The following SPIRE2 variants were observed in gnomAD, a reference collection of about 807,000 sequenced individuals.
SPIRE2 encodes protein spire homolog 2.
In SPIRE2, 76 loss-of-function variants were observed where a neutral mutation model predicts 80.7. The ratio of observed to expected loss-of-function variants is 0.94; its 90% CI spans 0.78 to 1.14. The LOEUF (loss-of-function observed/expected upper bound fraction) is 1.14. SPIRE2 is among the 50% of genes most tolerant of loss of function. The pLI, the probability that SPIRE2 is intolerant of heterozygous loss-of-function variation, is 0.00. For synonymous variants in SPIRE2, 535 were observed against 432.6 expected (o/e 1.24, Z -2.94); for missense variants, 1,196 against 1,015.3 (o/e 1.18, Z -2.42).
rs757360310 is a variant in SPIRE2, at chr16:89,850,824, G to GTTT, written c.645+166_645+167insTTT. Among the ~76,000 whole-genome samples, 39 of 151,656 alleles carry GTTT rather than the reference G, an allele frequency of 2.6e-4. No homozygotes were observed. In the East Asian group the frequency reaches 4.9e-3, roughly 19 times the overall value. ...TCCCACTTAATCCTCACGCTTTCTT[G>GTTT]TTGTTTTTTTGTTGTTGTTGTTGTT... On this transcript the variant is annotated intron_variant, in intron 3 of 14. Coordinates refer to ENST00000378247, the MANE Select transcript of SPIRE2 (RefSeq NM_032451.2).
intron 1 of SPIRE2, among the ~76,000 whole-genome samples, chr16:89,842,436 C>A (rs2041515020): frequency 1.3e-5 from 2 of 152,084 alleles, no homozygotes; most frequent in South Asian, 4.1e-4. Context: ...TGGTCTTGAA[C>A]TCCTGACCTC....
intron 1 of SPIRE2, among the ~76,000 whole-genome samples, chr16:89,829,185 A>G (rs1193603515): frequency 6.6e-6 from 1 of 152,236 alleles, no homozygotes; most frequent in Non-Finnish European, 1.5e-5. Context: ...GAAAGGAGAC[A>G]GAAGCGTCCC....
intron 1 of SPIRE2, among the ~76,000 whole-genome samples, chr16:89,829,547 T>C (rs892397951): frequency 6.6e-6 from 1 of 152,284 alleles, no homozygotes; most frequent in East Asian, 1.9e-4. Flanking sequence ...TGCCGCACTC[T>C]CTCCAGGCCT....
rs67559135 is a variant in SPIRE2 at position 89,869,072 on chromosome 16, A to ATATATATATATATATATG, written c.1807-492_1807-491insATATATATATATATGTAT. Among the ~76,000 whole-genome samples the ATATATATATATATATATG allele has an allele frequency of 7.1e-3, 469 of 65,766 alleles. 27 individuals are homozygous for ATATATATATATATATATG. Among genetic ancestry groups the ATATATATATATATATATG allele is most frequent in the African/African-American group, 0.011 (162 of 15,354 alleles). The allele number at this position is 65,766 out of a possible 152,430, so 43.1% of individuals were successfully genotyped here. On this transcript the variant is annotated intron_variant, in intron 13 of 14. Transcript: ENST00000378247. ...AAAAAAAATATATATATATATATATATATGTTACCCCTCAGGCCTCAGTTC... is the reference window on the plus strand; with the variant it reads ...AAAAAAAATATATATATATATATATATATATATATATATATATGTATGTTACCCCTCAGGCCTCAGTTC...
intron 2 of SPIRE2, chr16:89,845,796 T>C (rs1184275904): frequency 1.7e-6 from 1 of 587,600 alleles, no homozygotes; most frequent in Non-Finnish European, 3.0e-6. Flanking sequence ...GGCCTTCCTC[T>C]CCCATTCACC....
rs547139588 is a variant in SPIRE2 at position 89,859,995 on chromosome 16, G to C, written c.1462+641G>C. 9.8e-5 allele frequency among the ~76,000 whole-genome samples: 15 copies of C among 152,354 alleles called. No individual in the cohort carries two copies. In the South Asian group the frequency reaches 2.7e-3, roughly 27 times the overall value. Reference sequence around the variant, plus strand: ...GTGTTAAGAGGTCCAGGCCAGGCCAGTTCCAAACCTCACACTTACTTAACC... The same window carrying C: ...GTGTTAAGAGGTCCAGGCCAGGCCACTTCCAAACCTCACACTTACTTAACC... On this transcript the variant is annotated intron_variant, in intron 9 of 14. Coordinates refer to ENST00000378247, the MANE Select transcript of SPIRE2 (RefSeq NM_032451.2).
intron 2 of SPIRE2, 147 bp downstream of exon 2, chr16:89,845,512 G>C: frequency 3.8e-6 from 3 of 792,900 alleles, no homozygotes; most frequent in Non-Finnish European, 6.5e-6. Flanking sequence ...TAGTTGCAGG[G>C]ACTGGATGAA....
chr16:89,866,612 T>C (rs8059422), intron 12 of SPIRE2, among the ~76,000 whole-genome samples: 1 of 123,348 alleles, frequency 8.1e-6, no homozygotes, highest in Admixed American at 8.2e-5. Context: ...TTTTTTTTTT[T>C]CTTTTTTCTT....
chr16:89,836,584 G>A (rs1341588595), intron 1 of SPIRE2, among the ~76,000 whole-genome samples: 1 of 152,110 alleles, frequency 6.6e-6, no homozygotes, highest in Non-Finnish European at 1.5e-5. Context: ...TTCTTTTGAG[G>A]TGAAATTTAC....
intron 9 of SPIRE2, among the ~76,000 whole-genome samples, chr16:89,859,915 C>A (rs2041727891): frequency 6.6e-6 from 1 of 152,204 alleles, no homozygotes; most frequent in South Asian, 2.1e-4. Flanking sequence ...TCCTTGTCTG[C>A]CTGTGGGGCC....
intron 13 of SPIRE2, 65 bp downstream of exon 13, chr16:89,868,281 TG>T: frequency 6.7e-7 from 1 of 1,489,594 alleles, no homozygotes; most frequent in African/African-American, 1.4e-5. Context: ...TGGCTTTGAT[TG>T]GATGTGTTGG....
intron 13 of SPIRE2, 76 bp from the exon 14 acceptor site, chr16:89,869,491 G>T: frequency 1.0e-6 from 1 of 976,290 alleles, no homozygotes; most frequent in South Asian, 1.3e-5. Flanking sequence ...GACTGGGGAG[G>T]GAGGTCCCCT....
chr16:89,845,212 C>T (rs1338386521), intron 1 of SPIRE2, 110 bp from the exon 2 acceptor site: 35 of 975,892 alleles, frequency 3.6e-5, no homozygotes, highest in South Asian at 3.3e-4. Context: ...GGTGTTCCGG[C>T]GGAGAGTGGG....
At chr16:89,864,307 A>G (rs906291576) in intron 12 of SPIRE2, among the ~76,000 whole-genome samples, 11 of 152,166 alleles carry the variant, frequency 7.2e-5, no homozygotes, top group African/African-American at 2.7e-4. Flanking sequence ...TCCGCCGTGT[A>G]GAACTCCAGA....
rs912206836 is a variant in SPIRE2, at chr16:89,846,683, T to C, written c.288+1318T>C. ...GCCCGCCACCATGCCCGGCTAATTT[T>C]TGTATTTTTAGTAGAAGTGGGGTTT... is the stretch of plus-strand genomic sequence containing the variant. On this transcript the variant is annotated intron_variant, in intron 2 of 14. Transcript: ENST00000378247. 3 of 151,182 alleles carry C rather than the reference T, an allele frequency of 2.0e-5. No individual in the cohort carries two copies. In the East Asian group the frequency reaches 5.9e-4, roughly 30 times the overall value. 9.4% of individuals were successfully genotyped at this position (151,182 alleles called of 1,614,324 possible).
chr16:89,856,048 C>G (rs576444131), intron 6 of SPIRE2, 65 bp from the exon 7 acceptor site: 15 of 1,584,518 alleles, frequency 9.5e-6, no homozygotes, highest in Non-Finnish European at 1.3e-5. Flanking sequence ...GCTTCCCCAC[C>G]GCAGGTCCCG....
At chr16:89,854,978 G>A (rs1472401756) in intron 5 of SPIRE2, among the ~76,000 whole-genome samples, 5 of 151,934 alleles carry the variant, frequency 3.3e-5, no homozygotes, top group Middle Eastern at 3.4e-3. Flanking sequence ...TCGCTCTGTC[G>A]CCCAGGCTGG....
At chr16:89,833,872 C>T (rs764872989) in intron 1 of SPIRE2, among the ~76,000 whole-genome samples, 1 of 152,136 alleles carries the variant, frequency 6.6e-6, no homozygotes, top group Non-Finnish European at 1.5e-5. Context: ...CGTAAAATGA[C>T]CTCTATCCCT....
chr16:89,842,258 G>T (rs372509347), intron 1 of SPIRE2, among the ~76,000 whole-genome samples: 1 of 121,932 alleles, frequency 8.2e-6, no homozygotes, highest in African/African-American at 3.4e-5. Flanking sequence ...TGTTGCCCAG[G>T]CTGGAGTGCA....
Sources: allele counts gnomAD v4.1 joint callset (sites outside exome capture counted in the v4.1 genomes callset), GRCh38; gene constraint gnomAD v4.1.1; transcripts MANE v1.5; gene names NCBI Gene and HGNC (gene_info 2026-07-23, HGNC 2026-07-21).